KLF5: variants seen among roughly 807,000 people sequenced by gnomAD.
KLF5 encodes the protein KLF transcription factor 5.
KLF5 carries 9 observed loss-of-function variants against 36.9 expected under a neutral mutation model. The observed-to-expected ratio is 0.24, with a 90% CI of 0.15 to 0.43. The LOEUF is 0.43. Ranked by LOEUF, KLF5 falls within the 20% of genes least tolerant of loss-of-function variation. The pLI, the probability that KLF5 is intolerant of heterozygous loss-of-function variation, is 1.00. For synonymous variants in KLF5, 246 were observed against 241.7 expected (o/e 1.02, Z -0.17); for missense variants, 524 against 599.5 (o/e 0.87, Z 1.31).
At chr13:73,070,362 A>C (rs1466006892) in intron 3 of KLF5, among the ~76,000 whole-genome samples, 2 of 152,216 alleles carry the variant, frequency 1.3e-5, no homozygotes, top group African/African-American at 4.8e-5. Context: ...GCTTACAAAA[A>C]GAAAAGGTGA....
In KLF5 at chr13:73,075,729, C is replaced by A; in HGVS notation, c.1217C>A (p.Thr406Asn). The change falls in exon 4 of 4, where the codon ACC becomes AAC. Residue 406 changes from threonine (T) to asparagine (N), a missense_variant. Thr to Asn is a moderately conservative substitution (Grantham distance 65). This residue lies in a region of KLF5 where 46 missense variants were observed against 105.8 expected (regional missense o/e 0.43). Transcript: ENST00000377687. ...THTGEKPYKC[T>N]WEGCDWRFAR... Reference sequence around the variant, plus strand: ...ACAGGTGAAAAGCCATACAAGTGTACCTGGGAAGGCTGCGACTGGAGGTTC... The same window carrying A: ...ACAGGTGAAAAGCCATACAAGTGTAACTGGGAAGGCTGCGACTGGAGGTTC... The A allele has an allele frequency of 6.2e-7, 1 of 1,608,048 alleles. No homozygotes were observed. The highest frequency in any genetic ancestry group is 8.5e-7 in the Non-Finnish European group (1 of 1,175,436).
chr13:73,068,635 C>T (rs866621396), intron 3 of KLF5, among the ~76,000 whole-genome samples: 2 of 139,548 alleles, frequency 1.4e-5, no homozygotes, highest in Non-Finnish European at 3.0e-5. Flanking sequence ...ACCCACGAGG[C>T]GGAGGTTGCA....
intron 3 of KLF5, among the ~76,000 whole-genome samples, chr13:73,070,294 G>A (rs2139114699): frequency 6.6e-6 from 1 of 152,220 alleles, no homozygotes; most frequent in African/African-American, 2.4e-5. Context: ...TAAAGGGAAG[G>A]TTATCTAGTA....
chr13:73,071,959 A>G (rs2044725329), intron 3 of KLF5, among the ~76,000 whole-genome samples: 1 of 152,230 alleles, frequency 6.6e-6, no homozygotes, highest in Non-Finnish European at 1.5e-5. Context: ...AATTCTCATG[A>G]TATTTTAGCT....
At chr13:73,060,989 T>C (rs1041690580) in intron 1 of KLF5, among the ~76,000 whole-genome samples, 6 of 151,962 alleles carry the variant, frequency 3.9e-5, no homozygotes, top group African/African-American at 1.5e-4. Flanking sequence ...TTTTACAGAG[T>C]AGGGGGGAAT....
At chr13:73,070,014 G>A (rs1163470479) in intron 3 of KLF5, among the ~76,000 whole-genome samples, 1 of 152,148 alleles carries the variant, frequency 6.6e-6, no homozygotes, top group Admixed American at 6.5e-5. Flanking sequence ...ATCGTTTCTA[G>A]TGAAAGATTA....
chr13:73,069,186 G>GTTCT (rs1302123893), intron 3 of KLF5, among the ~76,000 whole-genome samples: 1 of 152,182 alleles, frequency 6.6e-6, no homozygotes, highest in Non-Finnish European at 1.5e-5. Flanking sequence ...AACATTCAGT[G>GTTCT]TTCTGAACAT....
chr13:73,073,765 A>G (rs1451959035), intron 3 of KLF5, among the ~76,000 whole-genome samples: 1 of 152,154 alleles, frequency 6.6e-6, no homozygotes, highest in Non-Finnish European at 1.5e-5. Flanking sequence ...TACTGTGCAA[A>G]AATTTTTTTT....
intron 2 of KLF5, among the ~76,000 whole-genome samples, 159 bp downstream of exon 2, chr13:73,062,893 CTTTT>C (rs368237900): frequency 6.8e-6 from 1 of 146,532 alleles, no homozygotes; most frequent in Non-Finnish European, 1.5e-5. Flanking sequence ...AAAAAATTAC[CTTTT>C]TTTTTTTCTC....
In KLF5 at chr13:73,075,976, AAAG is replaced by A. The variant is rs2044758170; in HGVS notation, c.*91_*93del. 8.6e-6 allele frequency: 9 copies of A among 1,049,932 alleles called. No individual in the cohort carries two copies. In the South Asian group the frequency reaches 1.0e-4, roughly 12 times the overall value. The allele number at this position is 1,049,932 out of a possible 1,614,324, so 65.0% of individuals were successfully genotyped here. ...TGTGTAAAAACAACAAAAACAAACAAAAGCAAGAAAACCACAACTAAAACTGGA... is the reference window on the plus strand; with the variant it reads ...TGTGTAAAAACAACAAAAACAAACAACAAGAAAACCACAACTAAAACTGGA... On this transcript the variant is annotated 3_prime_UTR_variant, in exon 4 of 4. Coordinates refer to ENST00000377687, the MANE Select transcript of KLF5 (RefSeq NM_001730.5).
At chr13:73,073,434 T>C (rs904417625) in intron 3 of KLF5, among the ~76,000 whole-genome samples, 3 of 152,214 alleles carry the variant, frequency 2.0e-5, no homozygotes, top group Non-Finnish European at 2.9e-5. Flanking sequence ...CTTTAATGGC[T>C]ACCGTATTTC....
At chr13:73,062,758 G>A (rs766886983) in intron 2 of KLF5, 24 bp downstream of exon 2, 4 of 1,599,168 alleles carry the variant, frequency 2.5e-6, no homozygotes, top group Non-Finnish European at 2.6e-6. Context: ...CCTGGTTGAA[G>A]CATCAATAGA....
chr13:73,074,833 A>C (rs1755778566), intron 3 of KLF5, among the ~76,000 whole-genome samples: 1 of 152,144 alleles, frequency 6.6e-6, no homozygotes, highest in South Asian at 2.1e-4. Context: ...CATGAGGCCA[A>C]CTGTTTTTAT....
Position 73,059,485 on chromosome 13 carries a change from A to C in KLF5, c.158A>C (p.His53Pro). The C allele has an allele frequency of 3.0e-5, 38 of 1,246,004 alleles. No individual in the cohort carries two copies. The highest frequency in any genetic ancestry group is 3.8e-5 in the Non-Finnish European group (38 of 996,936). The allele number at this position is 1,246,004 out of a possible 1,614,324, so 77.2% of individuals were successfully genotyped here. ...CTCTTCCCCGGCGAGGAGCTGAAGC[A>C]CGCGCACCACCGCCCGCAGGCGCAG... ...AALFPGEELK[H>P]AHHRPQAQPA... Residue 53 changes from histidine (H) to proline (P), a missense_variant, in exon 1 of 4, where the codon CAC becomes CCC. Coordinates refer to ENST00000377687, the MANE Select transcript of KLF5 (RefSeq NM_001730.5).
chr13:73,075,602 T>TTC (rs765664067), intron 3 of KLF5, 106 bp from the exon 4 acceptor site: 42 of 954,194 alleles, frequency 4.4e-5, no homozygotes, highest in Non-Finnish European at 9.3e-6. Flanking sequence ...CTTTCCTTCT[T>TTC]TCGCTTGGCC....
At chr13:73,073,451 T>C (rs1299729271) in intron 3 of KLF5, among the ~76,000 whole-genome samples, 1 of 152,204 alleles carries the variant, frequency 6.6e-6, no homozygotes, top group Non-Finnish European at 1.5e-5. Flanking sequence ...TTTCAAGCAA[T>C]CAGTAAAGTA....
At chr13:73,075,420 C>T (rs1012522012) in intron 3 of KLF5, among the ~76,000 whole-genome samples, 1 of 152,110 alleles carries the variant, frequency 6.6e-6, no homozygotes, top group Non-Finnish European at 1.5e-5. Context: ...AAAATAAGGG[C>T]ACTGATTCGT....
chr13:73,061,704 C>T (rs1301428578), intron 1 of KLF5, among the ~76,000 whole-genome samples, 157 bp from the exon 2 acceptor site: 1 of 152,080 alleles, frequency 6.6e-6, no homozygotes, highest in Non-Finnish European at 1.5e-5. Context: ...ATTACACAAT[C>T]GACAAAATAA....
At chr13:73,067,602 C>T (rs763990001) in intron 3 of KLF5, among the ~76,000 whole-genome samples, 5 of 152,012 alleles carry the variant, frequency 3.3e-5, no homozygotes, top group South Asian at 2.1e-4. Flanking sequence ...TTTTTTCCCC[C>T]GTTTCAGCTA....
Sources: allele counts gnomAD v4.1 joint callset (sites outside exome capture counted in the v4.1 genomes callset), GRCh38; gene constraint gnomAD v4.1.1; regional missense constraint gnomAD v4.1.1; transcripts MANE v1.5; gene names NCBI Gene and HGNC (gene_info 2026-07-23, HGNC 2026-07-21).